TBC1D32: variants seen among roughly 807,000 people sequenced by gnomAD.
TBC1D32 encodes the protein protein broad-minded.
A neutral mutation model predicts 170.3 loss-of-function variants in TBC1D32; 151 were observed. That is an observed-to-expected ratio of 0.89 (90% CI 0.78 to 1.01). TBC1D32 has a LOEUF of 1.01. Ranked by LOEUF, TBC1D32 falls within the 50% of genes least tolerant of loss-of-function variation. The probability of loss-of-function intolerance (pLI) is 0.00; values close to 1 mark genes in which losing one functional copy is unlikely to be tolerated. For missense variants in TBC1D32, 1,464 were observed against 1,457.1 expected, an observed-to-expected ratio of 1.00 and a Z score of -0.08; for synonymous variants, 498 against 488.0, an observed-to-expected ratio of 1.02 and a Z score of -0.27.
chr6:121,195,361 C>A (rs1790589779), intron 22 of TBC1D32, among the ~76,000 whole-genome samples: 1 of 152,134 alleles, frequency 6.6e-6, no homozygotes, highest in Non-Finnish European at 1.5e-5. Context: ...TTGGAAAGTC[C>A]CTACCATCTT....
chr6:121,184,334 A>G lies in TBC1D32; in HGVS notation c.2570+20741T>C, dbSNP rs974306603. On this transcript the variant is annotated intron_variant, in intron 22 of 31. Transcript: ENST00000398212. ...AGTAAAACAAGAATTCCAGAGGGTAAGTAATCCATAAAAATTGAGAGGCTT... is the reference window on the plus strand; with the variant it reads ...AGTAAAACAAGAATTCCAGAGGGTAGGTAATCCATAAAAATTGAGAGGCTT... Among the ~76,000 whole-genome samples the G allele has an allele frequency of 1.2e-4, 18 of 152,094 alleles. No individual in the cohort carries two copies. In the South Asian group the frequency reaches 1.9e-3, roughly 16 times the overall value.
chr6:121,274,695 A>G (rs1384793292), intron 15 of TBC1D32, among the ~76,000 whole-genome samples: 1 of 152,160 alleles, frequency 6.6e-6, no homozygotes, highest in Non-Finnish European at 1.5e-5. Context: ...CCAAAAAAAG[A>G]CAAAAAAGAC....
chr6:121,123,682 T>C (rs973133676), intron 26 of TBC1D32, among the ~76,000 whole-genome samples: 8 of 152,130 alleles, frequency 5.3e-5, no homozygotes, highest in Non-Finnish European at 1.0e-4. Context: ...TGTTTTGATA[T>C]TCAGCCATTT....
intron 25 of TBC1D32, among the ~76,000 whole-genome samples, chr6:121,128,297 A>G (rs1781067560): frequency 6.6e-6 from 1 of 152,114 alleles, no homozygotes; most frequent in Admixed American, 6.6e-5. Flanking sequence ...AACAATGCTA[A>G]AAATTGATCT....
At chr6:121,219,179 G>T (rs1794204515) in intron 21 of TBC1D32, among the ~76,000 whole-genome samples, 1 of 152,144 alleles carries the variant, frequency 6.6e-6, no homozygotes, top group Non-Finnish European at 1.5e-5. Context: ...TTAAAGCACA[G>T]ACAAATTTTC....
chr6:121,169,678 A>G (rs78301476), intron 22 of TBC1D32, among the ~76,000 whole-genome samples: 5,426 of 152,202 alleles, frequency 0.036, 365 homozygotes, highest in Admixed American at 0.18. Flanking sequence ...AGCAGCTTCC[A>G]TACTCAGCAG....
At position 121,206,603 on chromosome 6, in the gene TBC1D32, T is replaced by C. The variant is rs568804501; in HGVS notation, c.2482-1440A>G. On this transcript the variant is annotated intron_variant, in intron 21 of 31. Transcript: ENST00000398212. ...ATCAATATTAATACAACAACTGGAC[T>C]GTGGGTAGAGCTACCTAGTAAAAAT... is the stretch of plus-strand genomic sequence containing the variant. Among the ~76,000 whole-genome samples the C allele has an allele frequency of 4.6e-5, 7 of 152,318 alleles. No homozygotes were observed. In the East Asian group the frequency reaches 9.6e-4, roughly 21 times the overall value.
chr6:121,290,676 T>A (rs1437640582), intron 12 of TBC1D32, among the ~76,000 whole-genome samples: 1 of 152,176 alleles, frequency 6.6e-6, no homozygotes, highest in African/African-American at 2.4e-5. Context: ...TTATAAATCA[T>A]GCTGCTATAA....
chr6:121,264,264 G>T (rs763959349), intron 15 of TBC1D32, among the ~76,000 whole-genome samples: 2 of 152,082 alleles, frequency 1.3e-5, no homozygotes, highest in Non-Finnish European at 2.9e-5. Flanking sequence ...CAACCCCACA[G>T]AGTCAAACTA....
chr6:121,089,958 G>A (rs1776640378), intron 31 of TBC1D32, among the ~76,000 whole-genome samples: 1 of 148,248 alleles, frequency 6.7e-6, no homozygotes, highest in Admixed American at 6.8e-5. Flanking sequence ...TTTTGGAGAC[G>A]AGTCTCACTC....
chr6:121,102,417 C>T (rs1479781620), intron 30 of TBC1D32, among the ~76,000 whole-genome samples: 1 of 151,940 alleles, frequency 6.6e-6, no homozygotes, highest in Non-Finnish European at 1.5e-5. Flanking sequence ...CAGAACACAG[C>T]CCTCAGAAAT....
At chr6:121,220,860 C>A (rs1027022927) in intron 21 of TBC1D32, among the ~76,000 whole-genome samples, 2 of 151,942 alleles carry the variant, frequency 1.3e-5, no homozygotes, top group Non-Finnish European at 2.9e-5. Context: ...AGGCTGCTCT[C>A]GAACTCCAGA....
intron 1 of TBC1D32, among the ~76,000 whole-genome samples, chr6:121,323,068 T>C (rs1192263362): frequency 6.6e-6 from 1 of 152,168 alleles, no homozygotes; most frequent in Non-Finnish European, 1.5e-5. Context: ...TTTTTGGCAC[T>C]AACAGCATTA....
chr6:121,221,355 T>C (rs1455344803), intron 21 of TBC1D32, among the ~76,000 whole-genome samples: 1 of 152,210 alleles, frequency 6.6e-6, no homozygotes, highest in African/African-American at 2.4e-5. Context: ...GAGATTAATA[T>C]TGTTTTTGTG....
intron 17 of TBC1D32, among the ~76,000 whole-genome samples, chr6:121,242,625 C>T (rs370916825): frequency 6.6e-6 from 1 of 152,168 alleles, no homozygotes. Context: ...CTCATCCACA[C>T]ACTAATTTCC....
intron 26 of TBC1D32, among the ~76,000 whole-genome samples, chr6:121,117,693 G>T (rs1779829129): frequency 6.6e-6 from 1 of 151,628 alleles, no homozygotes; most frequent in Admixed American, 6.6e-5. Context: ...CAGAGTGAGA[G>T]TCCATCTCAA....
chr6:121,279,101 G>A lies in TBC1D32; in HGVS notation c.1733+20C>T, dbSNP rs76997764. On this transcript the variant is annotated intron_variant, in intron 15 of 31. Coordinates refer to ENST00000398212, the MANE Select transcript of TBC1D32 (RefSeq NM_152730.6). ...CAAACTATACCTGGAATAATTATCC[G>A]GATTTAAAATAGCACATACCTTTCT... 30,592 of 1,573,016 alleles carry A rather than the reference G, an allele frequency of 0.019. 1,130 individuals carry two copies. The highest frequency in any genetic ancestry group is 0.14 in the East Asian group (6,219 of 43,912).
intron 12 of TBC1D32, among the ~76,000 whole-genome samples, chr6:121,287,832 C>T (rs1027468961): frequency 1.8e-4 from 28 of 152,282 alleles, no homozygotes; most frequent in Non-Finnish European, 3.2e-4. Context: ...CAAACTAGAA[C>T]TCAGGATTAG....
chr6:121,262,905 C>T (rs112117852), intron 15 of TBC1D32, among the ~76,000 whole-genome samples: 2,411 of 152,172 alleles, frequency 0.016, 74 homozygotes, highest in African/African-American at 0.055. Context: ...CCAGGCCTGC[C>T]TTGCAAGAGT....
Sources: gnomAD v4.1 joint callset for allele counts (sites outside exome capture counted in the v4.1 genomes callset) on GRCh38, gnomAD v4.1.1 for gene constraint, MANE v1.5 for transcripts, NCBI Gene and HGNC (gene_info 2026-07-23, HGNC 2026-07-21) for gene names.